The following ATP8A2 variants were observed in gnomAD, a reference collection of about 807,000 sequenced individuals.
The protein encoded by ATP8A2 is ATPase phospholipid transporting 8A2, also known as phospholipid-transporting ATPase IB.
A neutral mutation model predicts 165.6 loss-of-function variants in ATP8A2; 100 were observed. The observed-to-expected ratio is 0.60, with a 90% CI of 0.51 to 0.71. The LOEUF is 0.71. Among genes scored for constraint, ATP8A2 ranks in the 30% least tolerant of loss-of-function variants. The pLI is 0.00. For synonymous variants in ATP8A2, 543 were observed against 548.8 expected, an observed-to-expected ratio of 0.99 and a Z score of 0.15; for missense variants, 1,227 against 1,479.5, an observed-to-expected ratio of 0.83 and a Z score of 2.80.
intron 14 of ATP8A2, among the ~76,000 whole-genome samples, chr13:25,559,320 G>A (rs940779068): frequency 6.6e-6 from 1 of 152,140 alleles, no homozygotes; most frequent in African/African-American, 2.4e-5. Context: ...ATTGCCTGAG[G>A]TTGGGAGTTC....
chr13:25,728,904 G>A (rs1437998546), intron 25 of ATP8A2, among the ~76,000 whole-genome samples: 3 of 152,212 alleles, frequency 2.0e-5, no homozygotes, highest in African/African-American at 4.8e-5. Flanking sequence ...TCCTTGGAAA[G>A]TGACTGTTAG....
chr13:25,877,243 A>T (rs1460385083), intron 33 of ATP8A2, among the ~76,000 whole-genome samples: 1 of 152,182 alleles, frequency 6.6e-6, no homozygotes, highest in Non-Finnish European at 1.5e-5. Context: ...AACTTTTTTT[A>T]AAAAAGGAAA....
chr13:25,574,133 A>G (rs1229422023), intron 18 of ATP8A2, among the ~76,000 whole-genome samples: 1 of 152,224 alleles, frequency 6.6e-6, no homozygotes, highest in Non-Finnish European at 1.5e-5. Flanking sequence ...CATGCGCACC[A>G]TCTGGAATTT....
At chr13:25,570,942 G>A (rs2039450138) in intron 17 of ATP8A2, 70 bp downstream of exon 17, 15 of 1,161,446 alleles carry the variant, frequency 1.3e-5, no homozygotes, top group Non-Finnish European at 1.9e-5. Flanking sequence ...GTTATTCTTG[G>A]AGGTGTTGCC....
intron 25 of ATP8A2, among the ~76,000 whole-genome samples, chr13:25,711,620 A>T (rs1016093359): frequency 2.6e-5 from 4 of 152,158 alleles, no homozygotes; most frequent in Non-Finnish European, 5.9e-5. Flanking sequence ...GTCAAGTTAG[A>T]GTTCATATGC....
intron 36 of ATP8A2, among the ~76,000 whole-genome samples, chr13:26,013,862 CT>C (rs1415061718): frequency 6.6e-6 from 1 of 152,194 alleles, no homozygotes; most frequent in African/African-American, 2.4e-5. Context: ...AATCTACCCC[CT>C]GTCCTCACTT....
At chr13:25,940,256 G>C (rs1450571184) in intron 33 of ATP8A2, among the ~76,000 whole-genome samples, 1 of 151,808 alleles carries the variant, frequency 6.6e-6, no homozygotes, top group Non-Finnish European at 1.5e-5. Context: ...CGTCCTCCTC[G>C]CCACCCTGGA....
At chr13:25,393,678 A>G (rs938757607) in intron 1 of ATP8A2, among the ~76,000 whole-genome samples, 6 of 152,222 alleles carry the variant, frequency 3.9e-5, no homozygotes, top group Admixed American at 2.6e-4. Context: ...GGCCTCCTAA[A>G]GTGCTGGGAT....
intron 1 of ATP8A2, among the ~76,000 whole-genome samples, chr13:25,437,689 G>C (rs2034818116): frequency 6.6e-6 from 1 of 152,162 alleles, no homozygotes; most frequent in African/African-American, 2.4e-5. Flanking sequence ...CAGAATTAAA[G>C]AGTCATGTAT....
intron 25 of ATP8A2, among the ~76,000 whole-genome samples, chr13:25,765,478 T>C (rs2044472064): frequency 6.6e-6 from 1 of 152,084 alleles, no homozygotes; most frequent in Non-Finnish European, 1.5e-5. Context: ...TAAAGTGGAG[T>C]GGTGCCTCTT....
intron 28 of ATP8A2, among the ~76,000 whole-genome samples, chr13:25,830,152 G>C (rs1189655393): frequency 6.6e-6 from 1 of 151,718 alleles, no homozygotes; most frequent in Admixed American, 6.6e-5. Flanking sequence ...GGGACCATGG[G>C]CAAATGCCAC....
chr13:25,482,510 A>G (rs986803010), intron 2 of ATP8A2, among the ~76,000 whole-genome samples: 2 of 152,136 alleles, frequency 1.3e-5, no homozygotes, highest in Non-Finnish European at 2.9e-5. Flanking sequence ...CAGGCCAGAC[A>G]TGGGGAACCC....
chr13:25,961,477 T>G, intron 33 of ATP8A2, 98 bp from the exon 34 acceptor site: 1 of 1,028,734 alleles, frequency 9.7e-7, no homozygotes, highest in Non-Finnish European at 1.5e-6. Context: ...GTGCGGTCTG[T>G]TGTTTTTGTG....
rs1269333572 is a variant in ATP8A2, at chr13:25,372,192, C to T, written c.-21C>T. On this transcript the variant is annotated 5_prime_UTR_variant, in exon 1 of 37. Transcript: ENST00000381655. This position sits in a 1 kb window ranked among gnomAD's most constrained non-coding sequence, Gnocchi z 4.8. ...GCCTCCGTCTCTCGCCCGGGGCCGC[C>T]GAGCCCCCGACACGGGCGAGATGCT... 15 of 1,419,652 alleles carry T rather than the reference C, an allele frequency of 1.1e-5. No individual in the cohort carries two copies. Among genetic ancestry groups the T allele is most frequent in the Non-Finnish European group, 9.3e-6 (10 of 1,074,922 alleles). 87.9% of individuals were successfully genotyped at this position (1,419,652 alleles called of 1,614,324 possible).
rs184164750 is a variant in ATP8A2 at position 25,789,421 on chromosome 13, A to G, written c.2679+14462A>G. Among the ~76,000 whole-genome samples, 893 of 152,320 alleles carry G rather than the reference A, an allele frequency of 5.9e-3. 11 individuals carry two copies. The highest frequency in any genetic ancestry group is 0.021 in the African/African-American group (858 of 41,580). On this transcript the variant is annotated intron_variant, in intron 27 of 36. Transcript: ENST00000381655. ...CAGGATATAAATTCATTGTACAAAAATCACTAGCATTCCTATACACCAACA... is the reference window on the plus strand; with the variant it reads ...CAGGATATAAATTCATTGTACAAAAGTCACTAGCATTCCTATACACCAACA...
At chr13:25,608,358 A>G (rs1187570587) in intron 24 of ATP8A2, among the ~76,000 whole-genome samples, 1 of 152,198 alleles carries the variant, frequency 6.6e-6, no homozygotes, top group African/African-American at 2.4e-5. Context: ...ATATTTGAGT[A>G]CTTTTAATAG....
At chr13:25,952,636 C>T (rs116860988) in intron 33 of ATP8A2, among the ~76,000 whole-genome samples, 4,359 of 152,144 alleles carry the variant, frequency 0.029, 104 homozygotes, top group Middle Eastern at 0.092. Flanking sequence ...CATCCCAAAG[C>T]GCTGGAATGA....
intron 35 of ATP8A2, among the ~76,000 whole-genome samples, chr13:25,997,218 A>T (rs1956530070): frequency 6.6e-6 from 1 of 152,180 alleles, no homozygotes; most frequent in African/African-American, 2.4e-5. Context: ...TCATTCCTGA[A>T]AGATATTTTC....
chr13:25,412,037 G>A (rs2033981878), intron 1 of ATP8A2, among the ~76,000 whole-genome samples: 2 of 152,156 alleles, frequency 1.3e-5, no homozygotes, highest in Admixed American at 1.3e-4. Flanking sequence ...GTAAAGATTT[G>A]TAGGGAATGT....
Sources: gnomAD v4.1 joint callset for allele counts (sites outside exome capture counted in the v4.1 genomes callset) on GRCh38, gnomAD v4.1.1 for gene constraint, Gnocchi (gnomAD v3.1) non-coding constraint, MANE v1.5 for transcripts, NCBI Gene and HGNC (gene_info 2026-07-23, HGNC 2026-07-21) for gene names.